Variants in POLM observed in about 807,000 individuals in gnomAD.
POLM encodes the protein DNA polymerase mu.
A neutral mutation model predicts 56.7 loss-of-function variants in POLM; 52 were observed. The ratio of observed to expected loss-of-function variants is 0.92; its 90% confidence interval spans 0.73 to 1.15. POLM has a LOEUF of 1.15. Among genes scored for constraint, POLM ranks in the 50% most tolerant of loss-of-function variants. POLM has a pLI of 0.00. For missense variants in POLM, 660 were observed against 663.6 expected, an observed-to-expected ratio of 0.99 and a Z score of 0.06; for synonymous variants, 273 against 274.3, an observed-to-expected ratio of 1.00 and a Z score of 0.05.
rs1296285771 is a variant in POLM at position 44,078,733 on chromosome 7, T to C, written c.714+7A>G. 6.2e-7 allele frequency: 1 copy of C among 1,613,068 alleles called. No individual in the cohort carries two copies. The highest frequency in any genetic ancestry group is 8.5e-7 in the Non-Finnish European group (1 of 1,179,096). ...CCTGGGGTAGGTCCGAGCCCTGCCC[T>C]GCGCACCTTCATGGTCTGGTACCTC... is the stretch of plus-strand genomic sequence containing the variant. On this transcript the variant is annotated splice_region_variant and intron_variant, in intron 5 of 10. Coordinates refer to ENST00000242248, the MANE Select transcript of POLM (RefSeq NM_013284.4).
intron 4 of POLM, among the ~76,000 whole-genome samples, chr7:44,079,049 T>C (rs2096191826): frequency 6.6e-6 from 1 of 152,194 alleles, no homozygotes; most frequent in Non-Finnish European, 1.5e-5. Flanking sequence ...TCAAAGCTCC[T>C]TCGGGCCTGG....
At chr7:44,075,838 G>C (rs1021092054) in intron 6 of POLM, 1 of 151,192 alleles carries the variant, frequency 6.6e-6, no homozygotes, top group Non-Finnish European at 1.5e-5. Context: ...TCCCGGGCTC[G>C]AGCGATCCTT....
chr7:44,076,918 A>G (rs2096185270), intron 5 of POLM: 1 of 304,946 alleles, frequency 3.3e-6, no homozygotes, highest in Non-Finnish European at 6.2e-6. Flanking sequence ...ACCCTAACAC[A>G]TCAGCACGAG....
rs1463058082 is a variant in POLM at position 44,073,647 on chromosome 7, T to C, written c.1376A>G (p.His459Arg). 2 of 1,614,104 alleles carry C rather than the reference T, an allele frequency of 1.2e-6. No individual in the cohort carries two copies. The highest frequency in any genetic ancestry group is 2.2e-5 in the East Asian group (1 of 44,882). The stretch of plus-strand genomic sequence containing the variant: ...TACCTGCTCCGGGTCAAACAGCCCA[T>C]GGCTGTTCAGCCACAGGCCCTTCTC... ...RKEKGLWLNS[H>R]GLFDPEQKTF... is the part of the protein sequence containing the mutation. The change falls in exon 10 of 11, where the codon CAT (histidine) becomes CGT (arginine). Residue 459 changes from histidine to arginine, a missense_variant. His to Arg is a conservative substitution (Grantham distance 29, BLOSUM62 0). Coordinates refer to ENST00000242248, the MANE Select transcript of POLM (RefSeq NM_013284.4).
chr7:44,079,007 T>C (rs550687434), intron 4 of POLM, among the ~76,000 whole-genome samples, 196 bp from the exon 5 acceptor site: 22 of 152,302 alleles, frequency 1.4e-4, no homozygotes, highest in Non-Finnish European at 2.1e-4. Flanking sequence ...CCAAAGTTGC[T>C]GCCACACAGC....
rs2096183321 is a variant in POLM, at chr7:44,076,365, G to A, written c.835+144C>T. ...CTTTGATAGATCCTGACTGCACTGG[G>A]TGGAGACCCCAGGAAGCCCACCACA... On this transcript the variant is annotated intron_variant, in intron 6 of 10. Coordinates refer to ENST00000242248, the MANE Select transcript of POLM (RefSeq NM_013284.4). 3.1e-6 allele frequency: 3 copies of A among 962,634 alleles called. No individual in the cohort carries two copies. In the South Asian group the frequency reaches 4.7e-5, roughly 15 times the overall value. 59.6% of individuals were successfully genotyped at this position (962,634 alleles called of 1,614,324 possible).
At position 44,080,724 on chromosome 7, in the gene POLM, C is replaced by T. The variant is rs778236239; in HGVS notation, c.372+9G>A. On this transcript the variant is annotated intron_variant, in intron 2 of 10. Coordinates refer to ENST00000242248, the MANE Select transcript of POLM (RefSeq NM_013284.4). ...TGTAGCCCCCACTTTAGTCTTCCACCCAGCTCACCTCCAGGCGGTGCCGGC... is the reference window on the plus strand; with the variant it reads ...TGTAGCCCCCACTTTAGTCTTCCACTCAGCTCACCTCCAGGCGGTGCCGGC... 1.2e-6 allele frequency: 2 copies of T among 1,613,486 alleles called. No homozygotes were observed. The highest frequency in any genetic ancestry group is 1.1e-5 in the South Asian group (1 of 91,018).
intron 5 of POLM, 92 bp downstream of exon 5, chr7:44,078,647 GC>G (rs771002649): frequency 1.8e-5 from 21 of 1,157,914 alleles, no homozygotes; most frequent in Non-Finnish European, 2.5e-5. Context: ...TGGGTCAGCT[GC>G]CCCTGTTTGC....
chr7:44,081,488 G>T (rs1293336509), intron 1 of POLM, among the ~76,000 whole-genome samples: 1 of 152,154 alleles, frequency 6.6e-6, no homozygotes, highest in East Asian at 1.9e-4. Flanking sequence ...ACACAACTGT[G>T]GGGGAATACT....
At chr7:44,079,528 T>TA in intron 4 of POLM, 43 bp downstream of exon 4, 17 of 1,506,314 alleles carry the variant, frequency 1.1e-5, no homozygotes, top group Non-Finnish European at 1.4e-5. Flanking sequence ...CCCCAAGGCC[T>TA]CCCCACCCAC....
In POLM at chr7:44,076,632, G is replaced by C. The variant is rs1334075373; in HGVS notation, c.715-3C>G. ...ACCCCGAAGATCTGGGTGAAGAGCT[G>C]TGGGGAAGGAGCGTAGCCCGGTTGG... On this transcript the variant is annotated splice_region_variant and splice_polypyrimidine_tract_variant and intron_variant, in intron 5 of 10. Transcript: ENST00000242248. The C allele has an allele frequency of 6.2e-7, 1 of 1,613,834 alleles. No individual in the cohort carries two copies. Among genetic ancestry groups the C allele is most frequent in the South Asian group, 1.1e-5 (1 of 91,064 alleles).
Position 44,074,425 on chromosome 7 carries a change from G to A in POLM, c.941C>T (p.Thr314Ile). Residue 314 changes from threonine (T) to isoleucine (I), a missense_variant, in exon 7 of 11, where the codon ACC (threonine) becomes ATC (isoleucine). By Grantham distance (89) the Thr-to-Ile change is moderately conservative (BLOSUM62 -1). Coordinates refer to ENST00000242248, the MANE Select transcript of POLM (RefSeq NM_013284.4). The stretch of plus-strand genomic sequence containing the variant: ...GCGGAAGCCGCCGGTCAGCGTGACG[G>A]TGGCCCCAGGCAGGGCCTGCCCCAC... ...EAVGQALPGATVTLTGGFRRG... is the reference protein window; with the variant it reads ...EAVGQALPGAIVTLTGGFRRG... 1 of 1,562,904 alleles carries A rather than the reference G, an allele frequency of 6.4e-7. No individual in the cohort carries two copies. The highest frequency in any genetic ancestry group is 8.7e-7 in the Non-Finnish European group (1 of 1,153,502).
In POLM at chr7:44,074,542, A is replaced by G. The variant is rs2096178467; in HGVS notation, c.836-12T>C. 1.9e-6 allele frequency: 3 copies of G among 1,544,998 alleles called. No homozygotes were observed. The highest frequency in any genetic ancestry group is 2.6e-6 in the Non-Finnish European group (3 of 1,142,456). ...GTGGTGCTGGAGCCCTGGGGGCAACACCGGCCCTCCTGACTCACCCAGCCT... is the reference window on the plus strand; with the variant it reads ...GTGGTGCTGGAGCCCTGGGGGCAACGCCGGCCCTCCTGACTCACCCAGCCT... On this transcript the variant is annotated splice_polypyrimidine_tract_variant and intron_variant, in intron 6 of 10. Transcript: ENST00000242248.
chr7:44,080,401 C>A (rs574419917), intron 2 of POLM: 1 of 560,894 alleles, frequency 1.8e-6, no homozygotes, highest in African/African-American at 1.9e-5. Flanking sequence ...ATCCAGAGGA[C>A]AGGCTCCTGC....
At chr7:44,080,938 G>A (rs2096198169) in intron 1 of POLM, 22 bp from the exon 2 acceptor site, 4 of 1,540,570 alleles carry the variant, frequency 2.6e-6, no homozygotes, top group South Asian at 1.3e-5. Context: ...AGTTGGGAGA[G>A]AAGGAGGAGG....
intron 5 of POLM, among the ~76,000 whole-genome samples, chr7:44,077,930 G>A (rs946369547): frequency 9.2e-5 from 14 of 152,184 alleles, no homozygotes; most frequent in Non-Finnish European, 1.6e-4. Flanking sequence ...AGGCACACCC[G>A]AGGCATCCAA....
In POLM at chr7:44,082,501, G is replaced by A. The variant is rs886382415; in HGVS notation, c.-63C>T. ...AGGGAAACTCCGAGCGAGACGGAAG[G>A]AAGCCCCAGTGAGGCTGACGGAAGC... On this transcript the variant is annotated 5_prime_UTR_variant, in exon 1 of 11. Transcript: ENST00000242248. The A allele has an allele frequency of 4.9e-5, 17 of 346,996 alleles. No individual in the cohort carries two copies. The highest frequency in any genetic ancestry group is 3.2e-4 in the South Asian group (5 of 15,846). The allele number at this position is 346,996 out of a possible 1,614,324, so 21.5% of individuals were successfully genotyped here. A position where few individuals can be genotyped will look rare whatever the true frequency, so the allele number is the denominator to read the frequency against.
At position 44,079,589 on chromosome 7, in the gene POLM, G is replaced by C; in HGVS notation, c.624C>G (p.His208Gln). The change falls in exon 4 of 11, where the codon CAC (histidine) becomes CAG (glutamine). Residue 208 changes from histidine to glutamine, a missense_variant. Physicochemically the swap from His to Gln is conservative, Grantham distance 24. Coordinates refer to ENST00000242248, the MANE Select transcript of POLM (RefSeq NM_013284.4). Reference sequence around the variant, plus strand: ...CACCTACCTGGACAACCCTAGAGGAGTGTTCTCCAAAGTGGGGAAGCCCCT... The same window carrying C: ...CACCTACCTGGACAACCCTAGAGGACTGTTCTCCAAAGTGGGGAAGCCCCT... Reference protein sequence around the residue: ...QLQGLPHFGEHSSRVVQELLE... With the variant: ...QLQGLPHFGEQSSRVVQELLE... The C allele has an allele frequency of 6.2e-7, 1 of 1,613,752 alleles. No homozygotes were observed. Among genetic ancestry groups the C allele is most frequent in the Non-Finnish European group, 8.5e-7 (1 of 1,179,948 alleles).
Position 44,073,801 on chromosome 7 carries a change from G to T in POLM, c.1296C>A (p.Leu432=). ...TGCCTACCTTGGAGCCAGTCCAACCGAGCAGGGCGAAAGGGAACTGGCTGA... is the reference window on the plus strand; with the variant it reads ...TGCCTACCTTGGAGCCAGTCCAACCTAGCAGGGCGAAAGGGAACTGGCTGA... ...APVSQFPFAL[L]GWTGSKLFQR... The change falls in exon 9 of 11, where the codon CTC becomes CTA. Residue 432 remains leucine (L), a synonymous_variant. Transcript: ENST00000242248. 1 of 1,614,182 alleles carries T rather than the reference G, an allele frequency of 6.2e-7. No individual in the cohort carries two copies. Among genetic ancestry groups the T allele is most frequent in the Non-Finnish European group, 8.5e-7 (1 of 1,180,010 alleles).
Sources: allele counts gnomAD v4.1 joint callset (sites outside exome capture counted in the v4.1 genomes callset), GRCh38; gene constraint gnomAD v4.1.1; transcripts MANE v1.5; gene names NCBI Gene and HGNC (gene_info 2026-07-23, HGNC 2026-07-21).